Variants in SLC9C1 observed in about 807,000 individuals in gnomAD.
SLC9C1 encodes solute carrier family 9 member C1, also known as sodium/hydrogen exchanger 10.
SLC9C1 carries 97 observed loss-of-function variants against 140.9 expected under a neutral mutation model. The observed-to-expected ratio is 0.69, with a 90% CI of 0.58 to 0.82. The LOEUF is 0.82. Among genes scored for constraint, SLC9C1 ranks in the 40% least tolerant of loss-of-function variants. The pLI, the probability that SLC9C1 is intolerant of heterozygous loss-of-function variation, is 0.00. For synonymous variants in SLC9C1, 440 were observed against 442.6 expected (o/e 0.99, Z 0.07); for missense variants, 1,340 against 1,389.3 (o/e 0.96, Z 0.56).
chr3:112,282,008 T>A (rs1183491569), intron 2 of SLC9C1, among the ~76,000 whole-genome samples: 1 of 152,112 alleles, frequency 6.6e-6, no homozygotes, highest in East Asian at 1.9e-4. Flanking sequence ...ATGGCCTAAT[T>A]GAAGAAAACC....
At chr3:112,280,866 G>T in intron 2 of SLC9C1, 83 bp from the exon 3 acceptor site, 1 of 1,273,362 alleles carries the variant, frequency 7.9e-7, no homozygotes, top group South Asian at 1.3e-5. Context: ...TTAAAATTGT[G>T]AACAATGTCT....
At chr3:112,210,115 A>G (rs2078161932) in intron 15 of SLC9C1, among the ~76,000 whole-genome samples, 1 of 152,246 alleles carries the variant, frequency 6.6e-6, no homozygotes, top group African/African-American at 2.4e-5. Flanking sequence ...GTGGTTACTC[A>G]AGAAACTAAA....
rs866891776 is a variant in SLC9C1 at position 112,152,017 on chromosome 3, G to C, written c.3418-54C>G. On this transcript the variant is annotated intron_variant, in intron 27 of 28. Transcript: ENST00000305815. ...TGTCATGATAGGCCTTTTGAAGGGG[G>C]CCTGCCCCTCCACACCTGTGGGTAT... The C allele has an allele frequency of 4.6e-5, 65 of 1,402,090 alleles. No homozygotes were observed. The African/African-American group carries it at 7.5e-4, about 16-fold the overall frequency. 86.9% of individuals were successfully genotyped at this position (1,402,090 alleles called of 1,614,324 possible). A position where few individuals can be genotyped will look rare whatever the true frequency, so the allele number is the denominator to read the frequency against.
chr3:112,205,080 G>A (rs942241591), intron 16 of SLC9C1, among the ~76,000 whole-genome samples: 6 of 152,112 alleles, frequency 3.9e-5, no homozygotes, highest in African/African-American at 1.4e-4. Flanking sequence ...GGAAATAAAG[G>A]GTATTCAGTT....
chr3:112,141,305 C>T, intron 28 of SLC9C1, 24 bp from the exon 29 acceptor site: 1 of 1,576,214 alleles, frequency 6.3e-7, no homozygotes, highest in Non-Finnish European at 8.6e-7. Flanking sequence ...AAAGAAAAAA[C>T]AAAAACATAG....
At chr3:112,278,206 G>A (rs2080266510) in intron 4 of SLC9C1, among the ~76,000 whole-genome samples, 2 of 152,186 alleles carry the variant, frequency 1.3e-5, no homozygotes, top group South Asian at 4.1e-4. Flanking sequence ...TGATTACTTT[G>A]AAAGAAACGT....
In SLC9C1 at chr3:112,286,847, C is replaced by T. The variant is rs537728660; in HGVS notation, c.-56G>A. 204 of 1,246,652 alleles carry T rather than the reference C, an allele frequency of 1.6e-4. No homozygotes were observed. The highest frequency in any genetic ancestry group is 2.2e-4 in the Non-Finnish European group (190 of 878,096). 77.2% of individuals were successfully genotyped at this position (1,246,652 alleles called of 1,614,324 possible). ...TTAGAAGCAATCTCCATATGATCAT[C>T]CATCTTGTTGTTTTTCACAGTCCAT... On this transcript the variant is annotated 5_prime_UTR_variant, in exon 2 of 29. Coordinates refer to ENST00000305815, the MANE Select transcript of SLC9C1 (RefSeq NM_183061.3).
At chr3:112,142,102 C>A (rs1020371139) in intron 28 of SLC9C1, among the ~76,000 whole-genome samples, 2 of 152,132 alleles carry the variant, frequency 1.3e-5, no homozygotes. Context: ...GAAGCATAAT[C>A]ACTAATTCAA....
intron 20 of SLC9C1, among the ~76,000 whole-genome samples, chr3:112,189,588 G>A (rs2077609200): frequency 6.6e-6 from 1 of 151,746 alleles, no homozygotes; most frequent in African/African-American, 2.4e-5. Flanking sequence ...TTCCATTGGT[G>A]TATCTCTCTG....
chr3:112,202,542 T>A, intron 17 of SLC9C1, 143 bp from the exon 18 acceptor site: 1 of 740,726 alleles, frequency 1.4e-6, no homozygotes, highest in Non-Finnish European at 2.1e-6. Context: ...TTCTTTGTTA[T>A]TTTTTTAGTG....
At chr3:112,257,975 A>G (rs2079657213) in intron 10 of SLC9C1, among the ~76,000 whole-genome samples, 2 of 152,218 alleles carry the variant, frequency 1.3e-5, no homozygotes, top group African/African-American at 4.8e-5. Flanking sequence ...GAGTAATGCA[A>G]ATCAAAACCA....
At chr3:112,157,195 A>C (rs551249371) in intron 26 of SLC9C1, among the ~76,000 whole-genome samples, 18 of 151,934 alleles carry the variant, frequency 1.2e-4, no homozygotes, top group African/African-American at 4.1e-4. Flanking sequence ...GTTTTTTTCT[A>C]TATGGTAATA....
rs1049076268 is a variant in SLC9C1, at chr3:112,200,198, C to T, written c.2374+513G>A. ...TGTGCCACTCTTAAGATTTGTCCTG[C>T]ACCAGGAGCGTGACTTGGCATGACT... On this transcript the variant is annotated intron_variant, in intron 19 of 28. Transcript: ENST00000305815. Among the ~76,000 whole-genome samples the T allele has an allele frequency of 3.9e-5, 6 of 152,124 alleles. No homozygotes were observed. The East Asian group carries it at 5.8e-4, about 15-fold the overall frequency.
At chr3:112,157,646 C>G (rs1158720277) in intron 26 of SLC9C1, among the ~76,000 whole-genome samples, 1 of 151,950 alleles carries the variant, frequency 6.6e-6, no homozygotes, top group East Asian at 1.9e-4. Context: ...TTATTCCAAT[C>G]TATGAACATG....
chr3:112,261,136 A>G (rs1219930982), intron 10 of SLC9C1, among the ~76,000 whole-genome samples: 1 of 152,096 alleles, frequency 6.6e-6, no homozygotes, highest in Non-Finnish European at 1.5e-5. Flanking sequence ...TAACCAGGCA[A>G]TGTCCCTTAT....
Position 112,271,362 on chromosome 3 carries a change from GTTAA to G in SLC9C1, c.614-1289_614-1286del, listed in dbSNP as rs1431642476. 7.9e-4 allele frequency among the ~76,000 whole-genome samples: 95 copies of G among 119,900 alleles called. No homozygotes were observed. The Middle Eastern group carries it at 0.016, about 20-fold the overall frequency. 78.7% of individuals were successfully genotyped at this position (119,900 alleles called of 152,430 possible). ...AAAAATTATAGTTAAATGAGGTGAC[GTTAA>G]TTAGTTTGATTTAATCATTCTACAT... On this transcript the variant is annotated intron_variant, in intron 6 of 28. Coordinates refer to ENST00000305815, the MANE Select transcript of SLC9C1 (RefSeq NM_183061.3).
chr3:112,183,344 C>G (rs1291402622), intron 20 of SLC9C1, among the ~76,000 whole-genome samples: 1 of 20,964 alleles, frequency 4.8e-5, no homozygotes, highest in Non-Finnish European at 8.1e-5. Context: ...TATTTAGCAC[C>G]TTTTCTTTTT....
At chr3:112,164,502 T>TA (rs1560018457) in intron 26 of SLC9C1, among the ~76,000 whole-genome samples, 1 of 143,794 alleles carries the variant, frequency 7.0e-6, no homozygotes, top group Non-Finnish European at 1.5e-5. Flanking sequence ...TGCTTGTCTA[T>TA]AAAGGATTTT....
At chr3:112,275,202 G>A (rs1484646237) in intron 5 of SLC9C1, among the ~76,000 whole-genome samples, 177 bp from the exon 6 acceptor site, 1 of 152,110 alleles carries the variant, frequency 6.6e-6, no homozygotes, top group Non-Finnish European at 1.5e-5. Flanking sequence ...TTATGTTTAT[G>A]TAAGTGAGAT....
Sources: allele counts gnomAD v4.1 joint callset (sites outside exome capture counted in the v4.1 genomes callset), GRCh38; gene constraint gnomAD v4.1.1; transcripts MANE v1.5; gene names NCBI Gene and HGNC (gene_info 2026-07-23, HGNC 2026-07-21).